The following ANKRD18A variants were observed in gnomAD, a reference collection of about 807,000 sequenced individuals.
The protein encoded by ANKRD18A is ankyrin repeat domain-containing protein 18A.
Under a neutral mutation model 110.6 loss-of-function variants are expected in ANKRD18A, and 72 were observed. The observed-to-expected ratio is 0.65, with a 90% CI of 0.54 to 0.79. ANKRD18A has a LOEUF of 0.79. Among genes scored for constraint, ANKRD18A ranks in the 30% least tolerant of loss-of-function variants. The probability of loss-of-function intolerance (pLI) is 0.00; values close to 1 mark genes in which losing one functional copy is unlikely to be tolerated. For synonymous variants in ANKRD18A, 305 were observed against 410.3 expected, an observed-to-expected ratio of 0.74 and a Z score of 3.10; for missense variants, 934 against 1,163.3, an observed-to-expected ratio of 0.80 and a Z score of 2.87.
intron 11 of ANKRD18A, among the ~76,000 whole-genome samples, chr9:38,586,707 G>C (rs1337806793): frequency 6.6e-6 from 1 of 152,036 alleles, no homozygotes; most frequent in South Asian, 2.1e-4. Context: ...CTGGGATTAC[G>C]GGCATGTGCC....
intron 7 of ANKRD18A, 53 bp from the exon 8 acceptor site, chr9:38,601,257 T>C: frequency 6.8e-6 from 10 of 1,470,870 alleles, no homozygotes; most frequent in East Asian, 2.5e-5. Flanking sequence ...CTATAATCTT[T>C]ATAAAAATTG....
chr9:38,610,260 T>C lies in ANKRD18A; in HGVS notation c.740+13A>G. On this transcript the variant is annotated intron_variant, in intron 5 of 15. Coordinates refer to ENST00000399703, the MANE Select transcript of ANKRD18A (RefSeq NM_147195.4). ...AATTTAGTATTAACCGGTCTTTTAA[T>C]ATAAGCACATACCTTCTCAAATCAG... The C allele has an allele frequency of 6.6e-7, 1 of 1,511,448 alleles. No individual in the cohort carries two copies. The highest frequency in any genetic ancestry group is 1.3e-5 in the South Asian group (1 of 75,882). The allele number at this position is 1,511,448 out of a possible 1,614,324, so 93.6% of individuals were successfully genotyped here.
chr9:38,570,915 T>A (rs951624994), downstream of ANKRD18A, among the ~76,000 whole-genome samples: 11 of 152,068 alleles, frequency 7.2e-5, no homozygotes, highest in Admixed American at 6.5e-4. Context: ...TATTCCTGAG[T>A]GTCAGAGTGG....
At position 38,603,220 on chromosome 9, in the gene ANKRD18A, A is replaced by T. The variant is rs751727049; in HGVS notation, c.809-8T>A. 29 of 1,550,796 alleles carry T rather than the reference A, an allele frequency of 1.9e-5. No individual in the cohort carries two copies. Among genetic ancestry groups the T allele is most frequent in the Non-Finnish European group, 5.2e-6 (6 of 1,146,544 alleles). ...GCTTCATAGCTGCTGTTTCTGTCAA[A>T]CATGCAAACTTGTTAGATATTCCTT... On this transcript the variant is annotated splice_region_variant and splice_polypyrimidine_tract_variant and intron_variant, in intron 6 of 15. Transcript: ENST00000399703.
At chr9:38,612,799 G>A (rs1348106811) in intron 3 of ANKRD18A, among the ~76,000 whole-genome samples, 2 of 152,026 alleles carry the variant, frequency 1.3e-5, no homozygotes, top group Non-Finnish European at 2.9e-5. Context: ...TTACAGGTGT[G>A]AGCCATTGCA....
chr9:38,575,446 A>G (rs1823839872), intron 15 of ANKRD18A, 30 bp downstream of exon 15: 1 of 1,518,726 alleles, frequency 6.6e-7, no homozygotes, highest in Non-Finnish European at 8.9e-7. Context: ...GAGAAATGAA[A>G]CCCAAAAGAG....
At chr9:38,583,771 A>T (rs1819605) in intron 12 of ANKRD18A, among the ~76,000 whole-genome samples, 11,200 of 152,304 alleles carry the variant, frequency 0.074, 1,356 homozygotes, top group African/African-American at 0.25. Context: ...AAAATGTTTA[A>T]TGTATCCATA....
intron 8 of ANKRD18A, among the ~76,000 whole-genome samples, chr9:38,597,586 C>G (rs1824942483): frequency 6.6e-6 from 1 of 152,024 alleles, no homozygotes; most frequent in Non-Finnish European, 1.5e-5. Context: ...TTCGTGGCAC[C>G]AAAAGGGAAG....
chr9:38,595,599 G>T lies in ANKRD18A; in HGVS notation c.1741C>A (p.Leu581Ile), dbSNP rs907757010. The change falls in exon 9 of 16, where the codon CTT (leucine) becomes ATT (isoleucine). Residue 581 changes from leucine (L) to isoleucine (I), a missense_variant. Physicochemically the swap from Leu to Ile is conservative, Grantham distance 5. Around this residue, in one of 4 missense-constraint regions of ANKRD18A, gnomAD observed 630 missense variants for 797.5 expected, o/e 0.79. Coordinates refer to ENST00000399703, the MANE Select transcript of ANKRD18A (RefSeq NM_147195.4). ...AGAAGATCTTCCTTTCCATTCTCAA[G>T]ACAGTCTCTGTGGATATTAATGACT... ...EIVINIHRDC[L>I]ENGKEDLLEE... The T allele has an allele frequency of 2.5e-5, 38 of 1,550,262 alleles. No individual in the cohort carries two copies. Among genetic ancestry groups the T allele is most frequent in the Non-Finnish European group, 3.1e-5 (36 of 1,146,420 alleles).
intron 15 of ANKRD18A, among the ~76,000 whole-genome samples, chr9:38,574,598 T>C (rs1401449754): frequency 6.6e-6 from 1 of 151,978 alleles, no homozygotes; most frequent in Non-Finnish European, 1.5e-5. Flanking sequence ...ATTACAGGTG[T>C]GAGCCACCAC....
downstream of ANKRD18A, chr9:38,571,048 C>A: frequency 5.7e-6 from 8 of 1,412,870 alleles, no homozygotes; most frequent in Non-Finnish European, 7.4e-6. Flanking sequence ...ATCAAGAACC[C>A]TTGAGGCTGA....
chr9:38,603,023 T>C, intron 7 of ANKRD18A, 136 bp downstream of exon 7: 4 of 1,278,000 alleles, frequency 3.1e-6, no homozygotes, highest in Non-Finnish European at 4.2e-6. Context: ...TTATCATGGA[T>C]GGGTGAAAAC....
chr9:38,595,425 A>G, intron 9 of ANKRD18A, 61 bp downstream of exon 9: 3 of 1,358,126 alleles, frequency 2.2e-6, no homozygotes, highest in Non-Finnish European at 1.9e-6. Flanking sequence ...GGTTCAACAT[A>G]TAGCCAGAAT....
intron 8 of ANKRD18A, among the ~76,000 whole-genome samples, chr9:38,598,765 T>G (rs1824996253): frequency 1.3e-5 from 2 of 152,250 alleles, no homozygotes; most frequent in Admixed American, 1.3e-4. Flanking sequence ...CCTTCTAAGC[T>G]TTAGAAGAGC....
At position 38,586,277 on chromosome 9, in the gene ANKRD18A, A is replaced by G. The variant is rs753327645; in HGVS notation, c.2153T>C (p.Leu718Ser). Residue 718 changes from leucine (L) to serine (S), a missense_variant, in exon 12 of 16, where the codon TTA (leucine) becomes TCA (serine). Physicochemically the swap from Leu to Ser is moderately radical, Grantham distance 145. Around this residue, in one of 4 missense-constraint regions of ANKRD18A, gnomAD observed 79 missense variants for 122.8 expected, o/e 0.64. Transcript: ENST00000399703. ...GAAGTCCTCATTTGCAAATGCATTT[A>G]ACATATTTATTGTCATTTCTAGGCA... ...KKCLEMTINM[L>S]NAFANEDFSC... 1.9e-6 allele frequency: 3 copies of G among 1,602,036 alleles called. No homozygotes were observed. The highest frequency in any genetic ancestry group is 8.5e-7 in the Non-Finnish European group (1 of 1,172,938).
At chr9:38,586,077 T>C (rs923635196) in intron 12 of ANKRD18A, 106 bp downstream of exon 12, 6 of 1,204,934 alleles carry the variant, frequency 5.0e-6, no homozygotes, top group Admixed American at 5.5e-5. Context: ...GATGCATTGA[T>C]ACGTGCAGCA....
chr9:38,589,974 A>T (rs1221960635), intron 10 of ANKRD18A, among the ~76,000 whole-genome samples: 1 of 152,136 alleles, frequency 6.6e-6, no homozygotes, highest in Non-Finnish European at 1.5e-5. Flanking sequence ...ATTCTCAACC[A>T]CACACTTATA....
Position 38,591,897 on chromosome 9 carries a change from T to C in ANKRD18A, c.2004+1863A>G, listed in dbSNP as rs137991384. ...GCTAAATCAAGTCTTCTGAATCAGT[T>C]CCCTCCCAGCAGCTGTTGCTGTGGC... On this transcript the variant is annotated intron_variant, in intron 10 of 15. Coordinates refer to ENST00000399703, the MANE Select transcript of ANKRD18A (RefSeq NM_147195.4). Among the ~76,000 whole-genome samples, 1,243 of 152,274 alleles carry C rather than the reference T, an allele frequency of 8.2e-3. 21 individuals are homozygous for C. Among genetic ancestry groups the C allele is most frequent in the African/African-American group, 0.028 (1,171 of 41,548 alleles).
intron 10 of ANKRD18A, 93 bp downstream of exon 10, chr9:38,593,667 A>G (rs1441943340): frequency 5.9e-6 from 7 of 1,194,764 alleles, no homozygotes; most frequent in Non-Finnish European, 7.6e-6. Context: ...AAAATATAAA[A>G]TCAAGCTGTC....
Sources: gnomAD v4.1 joint callset for allele counts (sites outside exome capture counted in the v4.1 genomes callset) on GRCh38, gnomAD v4.1.1 for gene constraint, gnomAD v4.1.1 regional missense constraint, MANE v1.5 for transcripts, NCBI Gene and HGNC (gene_info 2026-07-23, HGNC 2026-07-21) for gene names.